KDM4B: variants seen among roughly 807,000 people sequenced by gnomAD.
KDM4B encodes lysine-specific demethylase 4B.
Under a neutral mutation model 125.2 loss-of-function variants are expected in KDM4B, and 32 were observed. The observed-to-expected ratio is 0.26, with a 90% CI of 0.19 to 0.34. KDM4B has a LOEUF of 0.34. KDM4B is among the 10% of genes least tolerant of loss of function. The pLI is 1.00. For missense variants in KDM4B, 1,190 were observed against 1,577.7 expected, an observed-to-expected ratio of 0.75 and a Z score of 4.16; for synonymous variants, 721 against 677.9, an observed-to-expected ratio of 1.06 and a Z score of -0.99.
intron 1 of KDM4B, among the ~76,000 whole-genome samples, chr19:4,990,384 C>T (rs775262451): frequency 4.6e-5 from 7 of 152,142 alleles, no homozygotes; most frequent in Non-Finnish European, 7.3e-5. Context: ...GTGTGGAGCC[C>T]GAGGCAGACA....
rs550912058 is a variant in KDM4B, at chr19:5,145,539, C to T, written c.3021+637C>T. ...GAGTTTGCAGTGAGCCGAGATCACA[C>T]CACTGCACTCCACACTCCAGCCTGG... is the stretch of plus-strand genomic sequence containing the variant. On this transcript the variant is annotated intron_variant, in intron 21 of 22. Coordinates refer to ENST00000159111, the MANE Select transcript of KDM4B (RefSeq NM_015015.3). 1.1e-3 allele frequency among the ~76,000 whole-genome samples: 161 copies of T among 152,242 alleles called. 1 individual carries two copies. Among genetic ancestry groups the T allele is most frequent in the Non-Finnish European group, 2.1e-3 (142 of 68,026 alleles).
chr19:5,083,877 C>T (rs943948321), intron 9 of KDM4B, among the ~76,000 whole-genome samples: 2 of 152,170 alleles, frequency 1.3e-5, no homozygotes, highest in African/African-American at 4.8e-5. Flanking sequence ...CTTCTCAGAT[C>T]CAGATGTGGG....
chr19:4,970,723 CTTCT>C (rs2034227746), intron 1 of KDM4B, among the ~76,000 whole-genome samples: 1 of 100,338 alleles, frequency 1.0e-5, no homozygotes, highest in Non-Finnish European at 2.5e-5. Context: ...CGGGGTCAGC[CTTCT>C]CCTGCAGCCC....
At chr19:4,977,268 A>G (rs753651553) in intron 1 of KDM4B, among the ~76,000 whole-genome samples, 27 of 152,254 alleles carry the variant, frequency 1.8e-4, no homozygotes, top group Middle Eastern at 3.4e-3. Context: ...TGTTTGTTCA[A>G]TGGACAAAGG....
chr19:5,092,493 G>GGGGGGAC (rs1414268328), intron 9 of KDM4B, among the ~76,000 whole-genome samples: 1 of 152,210 alleles, frequency 6.6e-6, no homozygotes, highest in Non-Finnish European at 1.5e-5. Context: ...AGGAGCTCCG[G>GGGGGGAC]GGGGGACACA....
chr19:5,137,922 C>T (rs781363062), intron 17 of KDM4B, 40 bp from the exon 18 acceptor site: 55 of 1,549,604 alleles, frequency 3.5e-5, no homozygotes, highest in Admixed American at 1.9e-4. Flanking sequence ...AGCCCAGGTC[C>T]TCAGAGGCGC....
chr19:5,136,801 C>T (rs1207896580), intron 15 of KDM4B, among the ~76,000 whole-genome samples: 3 of 152,334 alleles, frequency 2.0e-5, no homozygotes, highest in East Asian at 1.9e-4. Context: ...CCCCTGCCCT[C>T]GCTCTGGGGG....
intron 21 of KDM4B, among the ~76,000 whole-genome samples, chr19:5,148,538 G>A (rs1014153421): frequency 1.3e-5 from 2 of 152,214 alleles, no homozygotes; most frequent in South Asian, 2.1e-4. Flanking sequence ...ATCACTGTGT[G>A]CCACGCCTGC....
intron 2 of KDM4B, among the ~76,000 whole-genome samples, chr19:5,021,116 C>G (rs531164637): frequency 1.3e-5 from 2 of 149,056 alleles, no homozygotes; most frequent in East Asian, 3.9e-4. Context: ...CTGCACTCCA[C>G]CTGGGCGACA....
chr19:5,034,609 C>G (rs1172972294), intron 3 of KDM4B, among the ~76,000 whole-genome samples: 1 of 152,196 alleles, frequency 6.6e-6, no homozygotes, highest in Non-Finnish European at 1.5e-5. Flanking sequence ...GCCCGAGGGC[C>G]GCAGTTTGCT....
At position 5,039,869 on chromosome 19, in the gene KDM4B, A is replaced by G. The variant is rs754632930; in HGVS notation, c.175A>G (p.Thr59Ala). The stretch of plus-strand genomic sequence containing the variant: ...CCCGAAGGAGTGGAAGCCGCGGCAG[A>G]CGTATGATGACATCGACGACGTGGT... ...IPPKEWKPRQ[T>A]YDDIDDVVIP... Residue 59 changes from threonine to alanine, a missense_variant, in exon 4 of 23, where the codon ACG (threonine) becomes GCG (alanine). Physicochemically the swap from Thr to Ala is moderately conservative, Grantham distance 58. Coordinates refer to ENST00000159111, the MANE Select transcript of KDM4B (RefSeq NM_015015.3). The G allele has an allele frequency of 6.2e-7, 1 of 1,612,830 alleles. No individual in the cohort carries two copies. Among genetic ancestry groups the G allele is most frequent in the Non-Finnish European group, 8.5e-7 (1 of 1,179,844 alleles).
Position 5,071,625 on chromosome 19 carries a change from C to T in KDM4B, c.676+566C>T, listed in dbSNP as rs574413203. 5.1e-4 allele frequency among the ~76,000 whole-genome samples: 78 copies of T among 152,324 alleles called. 1 individual carries two copies. Among genetic ancestry groups the T allele is most frequent in the Admixed American group, 1.2e-3 (19 of 15,300 alleles). On this transcript the variant is annotated intron_variant, in intron 7 of 22. Transcript: ENST00000159111. ...GACTCTTGGGAAAGAAGGGGTTTGT[C>T]ATAGAGGGTCCCAGCATGTGCCTGA...
At chr19:5,133,170 T>A (rs2039588563) in intron 13 of KDM4B, among the ~76,000 whole-genome samples, 1 of 152,014 alleles carries the variant, frequency 6.6e-6, no homozygotes, top group South Asian at 2.1e-4. Context: ...CGTGGGGAGA[T>A]TGGGGTGCGG....
rs2039325481 is a variant in KDM4B at position 5,119,738 on chromosome 19, C to A, written c.1201C>A (p.Leu401Ile). ...GGAGGGTACGGCTGGGGCAGCGCTC[C>A]TAGAGGAGGCTGGGGGCAGCGTGAA... ...PGEGTAGAAL[L>I]EEAGGSVKEE... Residue 401 changes from leucine to isoleucine, a missense_variant, in exon 11 of 23, where the codon CTA becomes ATA. Physicochemically the swap from Leu to Ile is conservative, Grantham distance 5 (BLOSUM62 2). Coordinates refer to ENST00000159111, the MANE Select transcript of KDM4B (RefSeq NM_015015.3). The A allele has an allele frequency of 1.9e-6, 3 of 1,550,122 alleles. No homozygotes were observed. The highest frequency in any genetic ancestry group is 2.6e-6 in the Non-Finnish European group (3 of 1,146,750).
rs771488508 is a variant in KDM4B at position 5,131,028 on chromosome 19, A to G, written c.1316-48A>G. The G allele has an allele frequency of 9.5e-6, 13 of 1,364,684 alleles. No individual in the cohort carries two copies. In the South Asian group the frequency reaches 1.5e-4, roughly 16 times the overall value. The allele number at this position is 1,364,684 out of a possible 1,614,324, so 84.5% of individuals were successfully genotyped here. A position where few individuals can be genotyped will look rare whatever the true frequency, so the allele number is the denominator to read the frequency against. On this transcript the variant is annotated intron_variant, in intron 11 of 22. Coordinates refer to ENST00000159111, the MANE Select transcript of KDM4B (RefSeq NM_015015.3). Reference sequence around the variant, plus strand: ...GATTTCTGGGGAGCGTGGGACCAGCACTTGAGCCCGGGTTCTCCTCCCTGA... The same window carrying G: ...GATTTCTGGGGAGCGTGGGACCAGCGCTTGAGCCCGGGTTCTCCTCCCTGA...
intron 9 of KDM4B, among the ~76,000 whole-genome samples, chr19:5,094,431 G>C (rs552353610): frequency 1.4e-4 from 21 of 152,184 alleles, no homozygotes; most frequent in South Asian, 4.1e-4. Flanking sequence ...CACCATGTGC[G>C]GGGGGGAGGC....
At position 5,144,115 on chromosome 19, in the gene KDM4B, C is replaced by T; in HGVS notation, c.2699C>T (p.Ser900Phe). Residue 900 changes from serine (S) to phenylalanine (F), a missense_variant, in exon 19 of 23, where the codon TCC (serine) becomes TTC (phenylalanine). Physicochemically the swap from Ser to Phe is radical, Grantham distance 155 (BLOSUM62 -2). This residue lies in a region of KDM4B where 298 missense variants were observed against 439.7 expected (regional missense o/e 0.68). Transcript: ENST00000159111. Reference sequence around the variant, plus strand: ...CCGGACGACTGGCCCTATGTGGTCTCCATCACCTGCCTCAAGCACAAGTCG... The same window carrying T: ...CCGGACGACTGGCCCTATGTGGTCTTCATCACCTGCCTCAAGCACAAGTCG... ...MEPDDWPYVV[S>F]ITCLKHKSGG... is the part of the protein sequence containing the mutation. The T allele has an allele frequency of 6.2e-7, 1 of 1,601,064 alleles. No homozygotes were observed. Among genetic ancestry groups the T allele is most frequent in the East Asian group, 2.2e-5 (1 of 44,454 alleles).
At chr19:5,084,504 TTATA>T (rs1244862920) in intron 9 of KDM4B, among the ~76,000 whole-genome samples, 4 of 113,088 alleles carry the variant, frequency 3.5e-5, no homozygotes, top group Non-Finnish European at 6.8e-5. Flanking sequence ...AATTTATATA[TTATA>T]TATAAATATA....
chr19:5,025,373 C>T (rs1262375151), intron 2 of KDM4B, among the ~76,000 whole-genome samples: 3 of 152,234 alleles, frequency 2.0e-5, no homozygotes, highest in Non-Finnish European at 4.4e-5. Flanking sequence ...GGTTCCCGTG[C>T]TAAAACCATG....
Sources: allele counts gnomAD v4.1 joint callset (sites outside exome capture counted in the v4.1 genomes callset), GRCh38; gene constraint gnomAD v4.1.1; regional missense constraint gnomAD v4.1.1; transcripts MANE v1.5; gene names NCBI Gene and HGNC (gene_info 2026-07-23, HGNC 2026-07-21).